GJA3: variants seen among roughly 807,000 people sequenced by gnomAD.
The protein encoded by GJA3 is gap junction alpha-3 protein.
For synonymous variants in GJA3, 297 were observed against 292.6 expected (o/e 1.02, Z -0.15); for missense variants, 571 against 620.3 (o/e 0.92, Z 0.84).
Position 20,141,614 on chromosome 13 carries a change from T to C in GJA3, c.*367A>G, listed in dbSNP as rs1593332618. On this transcript the variant is annotated 3_prime_UTR_variant, in exon 2 of 2. Transcript: ENST00000241125. Reference sequence around the variant, plus strand: ...GAGAGCTTAGGAATAGCAAACCCAATTGCCCAGGAGCTAAAGGGACTGCAG... The same window carrying C: ...GAGAGCTTAGGAATAGCAAACCCAACTGCCCAGGAGCTAAAGGGACTGCAG... 9.7e-6 allele frequency: 2 copies of C among 206,036 alleles called. No individual in the cohort carries two copies. The highest frequency in any genetic ancestry group is 4.6e-5 in the African/African-American group (2 of 43,036). 12.8% of individuals were successfully genotyped at this position (206,036 alleles called of 1,614,324 possible). A position where few individuals can be genotyped will look rare whatever the true frequency, so the allele number is the denominator to read the frequency against.
At chr13:20,161,069 C>T (rs969613189), upstream of GJA3, 4 of 153,196 alleles carry the variant, frequency 2.6e-5, no homozygotes, top group African/African-American at 9.7e-5. Context: ...CCCGACGCCC[C>T]CAAGCTGCAG....
chr13:20,142,575 G>A lies in GJA3; in HGVS notation c.714C>T (p.Leu238=), dbSNP rs1378645107. ...GCGGGGCCTCGGAGGCGTCCGGGCC[G>A]AGGCGGCTGGTCACGCCCTGCTTGA... ...KKLKQGVTSR[L]GPDASEAPLG... is the part of the protein sequence containing the mutation. The change falls in exon 2 of 2, where the codon CTC becomes CTT. Residue 238 remains leucine (L), a synonymous_variant. Transcript: ENST00000241125. 6.9e-6 allele frequency: 11 copies of A among 1,601,460 alleles called. No individual in the cohort carries two copies. Among genetic ancestry groups the A allele is most frequent in the East Asian group, 4.5e-5 (2 of 44,190 alleles).
Position 20,141,830 on chromosome 13 carries a change from T to C in GJA3, c.*151A>G, listed in dbSNP as rs1958808647. On this transcript the variant is annotated 3_prime_UTR_variant, in exon 2 of 2. Transcript: ENST00000241125. The stretch of plus-strand genomic sequence containing the variant: ...ACAGCAAGCATTGAACACGGAAACC[T>C]GATCTCTCCTCCATCGTCCACCTCC... 2 of 1,147,050 alleles carry C rather than the reference T, an allele frequency of 1.7e-6. No homozygotes were observed. The highest frequency in any genetic ancestry group is 1.6e-5 in the African/African-American group (1 of 63,496). 71.1% of individuals were successfully genotyped at this position (1,147,050 alleles called of 1,614,324 possible).
In GJA3 at chr13:20,142,232, T is replaced by C. The variant is rs1403356254; in HGVS notation, c.1057A>G (p.Ser353Gly). ...GGCGGGGAGCTGCTGCCGACGGGGC[T>C]GGGGGCTGCAGGCGTGGACGCTGCC... ...YPAASTPAAP[S>G]PVGSSSPPLA... Residue 353 changes from serine to glycine, a missense_variant, in exon 2 of 2, where the codon AGC becomes GGC. Coordinates refer to ENST00000241125, the MANE Select transcript of GJA3 (RefSeq NM_021954.4). The C allele has an allele frequency of 2.0e-6, 3 of 1,530,222 alleles. No individual in the cohort carries two copies. The highest frequency in any genetic ancestry group is 2.6e-6 in the Non-Finnish European group (3 of 1,143,160). 94.8% of individuals were successfully genotyped at this position (1,530,222 alleles called of 1,614,324 possible).
chr13:20,147,125 C>T (rs1958847730), intron 1 of GJA3, among the ~76,000 whole-genome samples: 1 of 152,214 alleles, frequency 6.6e-6, no homozygotes, highest in Non-Finnish European at 1.5e-5. Flanking sequence ...CTGTCCTTTC[C>T]CTTTCTTTTC....
intron 1 of GJA3, among the ~76,000 whole-genome samples, chr13:20,145,237 CA>C (rs922728504): frequency 6.6e-6 from 1 of 152,074 alleles, no homozygotes; most frequent in African/African-American, 2.4e-5. Flanking sequence ...GGCAAATCAA[CA>C]AAAGAAAACT....
intron 1 of GJA3, among the ~76,000 whole-genome samples, chr13:20,146,863 T>C (rs1242326821): frequency 6.6e-6 from 1 of 152,236 alleles, no homozygotes; most frequent in Non-Finnish European, 1.5e-5. Context: ...TGGTAGAGGA[T>C]GAACAGTTCC....
chr13:20,158,177 TCTTG>T (rs1199574590), intron 1 of GJA3, among the ~76,000 whole-genome samples: 1 of 152,222 alleles, frequency 6.6e-6, no homozygotes, highest in African/African-American at 2.4e-5. Flanking sequence ...ATATTTTTAC[TCTTG>T]CTTAGTGAAC....
rs1233703329 is a variant in GJA3 at position 20,142,163 on chromosome 13, C to A, written c.1126G>T (p.Asp376Tyr). The A allele has an allele frequency of 5.9e-6, 9 of 1,519,256 alleles. No individual in the cohort carries two copies. Among genetic ancestry groups the A allele is most frequent in the African/African-American group, 1.4e-5 (1 of 71,382 alleles). The allele number at this position is 1,519,256 out of a possible 1,614,324, so 94.1% of individuals were successfully genotyped here. ...AEAGAAPLLLDGSGSSLEGSA... is the reference protein window; with the variant it reads ...AEAGAAPLLLYGSGSSLEGSA... ...CCCTCCAGACTGCTGCCGCTCCCATCCAGCAGCAGGGGCGCCGCGCCCGCC... is the reference window on the plus strand; with the variant it reads ...CCCTCCAGACTGCTGCCGCTCCCATACAGCAGCAGGGGCGCCGCGCCCGCC... Residue 376 changes from aspartate to tyrosine, a missense_variant, in exon 2 of 2, where the codon GAT (aspartate) becomes TAT (tyrosine). Asp to Tyr is a radical substitution (Grantham distance 160). Coordinates refer to ENST00000241125, the MANE Select transcript of GJA3 (RefSeq NM_021954.4).
chr13:20,148,507 C>T (rs1242362249), intron 1 of GJA3, among the ~76,000 whole-genome samples: 4 of 152,182 alleles, frequency 2.6e-5, no homozygotes, highest in African/African-American at 9.7e-5. Flanking sequence ...GATCCACCTA[C>T]CTTGGCCTCC....
chr13:20,155,613 A>G (rs968871364), intron 1 of GJA3, among the ~76,000 whole-genome samples: 4 of 150,990 alleles, frequency 2.6e-5, no homozygotes, highest in Non-Finnish European at 5.9e-5. Context: ...GATTTAAAAT[A>G]TTAGTCTTGC....
chr13:20,152,364 A>G (rs1214795369), intron 1 of GJA3, among the ~76,000 whole-genome samples: 1 of 152,140 alleles, frequency 6.6e-6, no homozygotes. Flanking sequence ...ATTCCCTCTC[A>G]TAATATCATA....
At chr13:20,154,345 T>C (rs1418720266) in intron 1 of GJA3, among the ~76,000 whole-genome samples, 2 of 152,236 alleles carry the variant, frequency 1.3e-5, no homozygotes, top group Non-Finnish European at 2.9e-5. Context: ...TTACAGTTGT[T>C]CTGAAGAGTT....
At chr13:20,147,147 C>G (rs140792897) in intron 1 of GJA3, among the ~76,000 whole-genome samples, 1 of 152,290 alleles carries the variant, frequency 6.6e-6, no homozygotes, top group African/African-American at 2.4e-5. Context: ...ACGTACAGTA[C>G]AGATGTGATG....
chr13:20,159,561 T>C (rs7320129), intron 1 of GJA3, among the ~76,000 whole-genome samples: 20,290 of 147,690 alleles, frequency 0.14, 1,594 homozygotes, highest in African/African-American at 0.22. Flanking sequence ...ATGAATATAA[T>C]AAGTTAAAAT....
chr13:20,159,539 T>C (rs1958925716), intron 1 of GJA3, among the ~76,000 whole-genome samples: 1 of 151,478 alleles, frequency 6.6e-6, no homozygotes. Context: ...CACGTTATTT[T>C]AGCTAAGAGA....
chr13:20,138,607 CA>C lies in GJA3; in HGVS notation c.*3373del, dbSNP rs144410256. 33,657 of 152,098 alleles carry C rather than the reference CA, an allele frequency of 0.22. 4,417 individuals are homozygous for C. The highest frequency in any genetic ancestry group is 0.43 in the East Asian group (2,230 of 5,168). 9.4% of individuals were successfully genotyped at this position (152,098 alleles called of 1,614,324 possible). A position where few individuals can be genotyped will look rare whatever the true frequency, so the allele number is the denominator to read the frequency against. On this transcript the variant is annotated 3_prime_UTR_variant, in exon 2 of 2. Coordinates refer to ENST00000241125, the MANE Select transcript of GJA3 (RefSeq NM_021954.4). ...AGTGCCTTCCCTGACCTTAAATGTA[CA>C]ATGTCCATATGCTATATTAAAGGTT...
chr13:20,156,422 T>C (rs1364474174), intron 1 of GJA3, among the ~76,000 whole-genome samples: 1 of 152,174 alleles, frequency 6.6e-6, no homozygotes, highest in African/African-American at 2.4e-5. Context: ...TTCTCGGGCC[T>C]CATCCTCCCA....
At chr13:20,151,723 G>A (rs917228727) in intron 1 of GJA3, among the ~76,000 whole-genome samples, 4 of 152,224 alleles carry the variant, frequency 2.6e-5, no homozygotes, top group Admixed American at 1.3e-4. Context: ...AAGCTGAGGC[G>A]GGGGAGGCAG....
Sources: allele counts gnomAD v4.1 joint callset (sites outside exome capture counted in the v4.1 genomes callset), GRCh38; gene constraint gnomAD v4.1.1; transcripts MANE v1.5; gene names NCBI Gene and HGNC (gene_info 2026-07-23, HGNC 2026-07-21).